The following HACD2 variants were observed in gnomAD, a reference collection of about 807,000 sequenced individuals.
HACD2 encodes 3-hydroxyacyl-CoA dehydratase 2, also known as very-long-chain (3R)-3-hydroxyacyl-CoA dehydratase 2.
A neutral mutation model predicts 31.0 loss-of-function variants in HACD2; 15 were observed. That is an observed-to-expected ratio of 0.48 (90% CI 0.32 to 0.75). The LOEUF (loss-of-function observed/expected upper bound fraction) is 0.75. HACD2 is among the 30% of genes least tolerant of loss of function. The pLI, the probability that HACD2 is intolerant of heterozygous loss-of-function variation, is 0.03. For missense variants in HACD2, 283 were observed against 313.0 expected (o/e 0.90, Z 0.72); for synonymous variants, 115 against 122.2 (o/e 0.94, Z 0.39).
intron 3 of HACD2, among the ~76,000 whole-genome samples, chr3:123,555,655 C>T (rs2056665550): frequency 6.6e-6 from 1 of 152,026 alleles, no homozygotes; most frequent in African/African-American, 2.4e-5. Context: ...TCAATTATTC[C>T]CGACTTGCTC....
Position 123,500,520 on chromosome 3 carries a change from A to C in HACD2, c.677T>G (p.Ile226Ser). Residue 226 changes from isoleucine (I) to serine (S), a missense_variant, in exon 6 of 7, where the codon ATT (isoleucine) becomes AGT (serine). This residue lies in a region of HACD2 where 40 missense variants were observed against 35.1 expected (regional missense o/e 1.14). Coordinates refer to ENST00000383657, the MANE Select transcript of HACD2 (RefSeq NM_198402.5). ...ACGCATAACTGTTTACTTACTTGGA[A>C]TGTAGGAGATCATTATTAGAATCAG... ...AFLILIMISY[I>S]PIFPQLYFHM... is the part of the protein sequence containing the mutation. The C allele has an allele frequency of 6.3e-7, 1 of 1,597,010 alleles. No homozygotes were observed. The highest frequency in any genetic ancestry group is 8.6e-7 in the Non-Finnish European group (1 of 1,167,916).
intron 4 of HACD2, among the ~76,000 whole-genome samples, chr3:123,503,290 G>A (rs2055929273): frequency 2.0e-5 from 3 of 148,896 alleles, no homozygotes; most frequent in Admixed American, 6.7e-5. Flanking sequence ...CACAACTGAA[G>A]ATGAGGCTAG....
chr3:123,504,774 C>G (rs2171145), intron 4 of HACD2, among the ~76,000 whole-genome samples: 144,327 of 152,282 alleles, frequency 0.95, 68,875 homozygotes, highest in East Asian at 1. Context: ...TGTGCAAAAT[C>G]ATTTCTTCCA....
At chr3:123,523,989 G>A (rs139036872) in intron 4 of HACD2, among the ~76,000 whole-genome samples, 1 of 152,300 alleles carries the variant, frequency 6.6e-6, no homozygotes, top group African/African-American at 2.4e-5. Flanking sequence ...CTGGATTTTG[G>A]ACAGAGCACC....
At chr3:123,533,283 G>A (rs916418598) in intron 3 of HACD2, among the ~76,000 whole-genome samples, 1 of 152,188 alleles carries the variant, frequency 6.6e-6, no homozygotes. Flanking sequence ...CAAGTAGCTG[G>A]GACAACAGGC....
At chr3:123,572,424 C>T (rs929117890) in intron 2 of HACD2, among the ~76,000 whole-genome samples, 1 of 152,196 alleles carries the variant, frequency 6.6e-6, no homozygotes, top group African/African-American at 2.4e-5. Flanking sequence ...AGGAGGATCA[C>T]TTGAGCCCAA....
At chr3:123,574,000 T>C (rs1364418115) in intron 2 of HACD2, among the ~76,000 whole-genome samples, 1 of 152,184 alleles carries the variant, frequency 6.6e-6, no homozygotes, top group Admixed American at 6.5e-5. Context: ...CTGCACATAA[T>C]GAATCGAGGG....
At chr3:123,524,730 T>C (rs1296268065) in intron 4 of HACD2, among the ~76,000 whole-genome samples, 1 of 152,122 alleles carries the variant, frequency 6.6e-6, no homozygotes, top group Non-Finnish European at 1.5e-5. Context: ...GGTGTTGAAC[T>C]CCTGCCTCAG....
At chr3:123,542,935 CTA>C (rs1340774860) in intron 3 of HACD2, among the ~76,000 whole-genome samples, 1 of 152,174 alleles carries the variant, frequency 6.6e-6, no homozygotes, top group Non-Finnish European at 1.5e-5. Context: ...ATGTTAAAAG[CTA>C]TGAGATTATG....
intron 3 of HACD2, among the ~76,000 whole-genome samples, chr3:123,565,546 T>C (rs1378605234): frequency 2.0e-5 from 3 of 152,298 alleles, no homozygotes; most frequent in Middle Eastern, 3.4e-3. Flanking sequence ...CAGCACCACC[T>C]TGATCTTGGA....
chr3:123,499,776 T>C (rs949497198), intron 6 of HACD2: 8 of 350,290 alleles, frequency 2.3e-5, no homozygotes, highest in South Asian at 6.8e-5. Context: ...TTTTGGTATA[T>C]AGAAATCAAT....
chr3:123,546,078 A>G (rs2056556164), intron 3 of HACD2, among the ~76,000 whole-genome samples: 1 of 152,196 alleles, frequency 6.6e-6, no homozygotes, highest in South Asian at 2.1e-4. Context: ...AGTACCCCTT[A>G]TTATTAATGA....
chr3:123,530,763 G>A (rs1451185179), intron 3 of HACD2, among the ~76,000 whole-genome samples: 1 of 151,778 alleles, frequency 6.6e-6, no homozygotes, highest in Non-Finnish European at 1.5e-5. Context: ...TGTTGCCCAG[G>A]CTGGTTTCGA....
intron 3 of HACD2, among the ~76,000 whole-genome samples, chr3:123,544,591 T>A (rs2056535028): frequency 6.6e-6 from 1 of 151,908 alleles, no homozygotes; most frequent in Non-Finnish European, 1.5e-5. Flanking sequence ...CAATGTCAGG[T>A]TTTTTCAGAA....
intron 4 of HACD2, among the ~76,000 whole-genome samples, chr3:123,514,181 G>A (rs1341588926): frequency 6.6e-6 from 1 of 152,020 alleles, no homozygotes; most frequent in African/African-American, 2.4e-5. Context: ...AGGCTGAGGT[G>A]GGAGAATCGC....
chr3:123,578,384 C>T (rs1265080253), intron 2 of HACD2, among the ~76,000 whole-genome samples: 1 of 152,176 alleles, frequency 6.6e-6, no homozygotes, highest in Admixed American at 6.5e-5. Context: ...GATCCTCCCA[C>T]CTCAGTCTCC....
intron 2 of HACD2, among the ~76,000 whole-genome samples, chr3:123,569,622 A>G (rs1278047476): frequency 2.0e-5 from 3 of 152,084 alleles, no homozygotes; most frequent in Non-Finnish European, 4.4e-5. Flanking sequence ...TTGGCCTCCT[A>G]AAGTGCTGGG....
chr3:123,518,994 C>CT (rs2056179897), intron 4 of HACD2, among the ~76,000 whole-genome samples: 1 of 29,608 alleles, frequency 3.4e-5, no homozygotes, highest in South Asian at 9.2e-4. Flanking sequence ...GAGACTCCAA[C>CT]TAAAAAAAAA....
At chr3:123,522,542 T>A (rs1294193193) in intron 4 of HACD2, among the ~76,000 whole-genome samples, 1 of 152,154 alleles carries the variant, frequency 6.6e-6, no homozygotes, top group African/African-American at 2.4e-5. Flanking sequence ...GGCAAAAGGA[T>A]CCAGCTAGCT....
Sources: gnomAD v4.1 joint callset for allele counts (sites outside exome capture counted in the v4.1 genomes callset) on GRCh38, gnomAD v4.1.1 for gene constraint, gnomAD v4.1.1 regional missense constraint, MANE v1.5 for transcripts, NCBI Gene and HGNC (gene_info 2026-07-23, HGNC 2026-07-21) for gene names.